Variants in FHOD3 observed in about 807,000 individuals in gnomAD.
The protein encoded by FHOD3 is formin homology 2 domain containing 3, also known as FH1/FH2 domain-containing protein 3.
Under a neutral mutation model 173.0 loss-of-function variants are expected in FHOD3, and 90 were observed. That is an observed-to-expected ratio of 0.52 (90% CI 0.44 to 0.62). The LOEUF is 0.62. FHOD3 is among the 20% of genes least tolerant of loss of function. The pLI is 0.00. For synonymous variants in FHOD3, 828 were observed against 823.0 expected (o/e 1.01, Z -0.10); for missense variants, 1,945 against 2,034.7 (o/e 0.96, Z 0.85).
chr18:36,482,858 C>CACAGAG (rs1400178557), intron 3 of FHOD3, among the ~76,000 whole-genome samples: 89 of 130,448 alleles, frequency 6.8e-4, no homozygotes, highest in African/African-American at 2.6e-3. Context: ...CACACACACA[C>CACAGAG]AGAGAGAGAG....
intron 25 of FHOD3, among the ~76,000 whole-genome samples, chr18:36,755,893 T>G (rs2042615122): frequency 6.6e-6 from 1 of 152,140 alleles, no homozygotes. Context: ...GTGAATCCAG[T>G]AGGAGTTTCC....
At chr18:36,673,654 T>C (rs2037673680) in intron 14 of FHOD3, among the ~76,000 whole-genome samples, 1 of 152,004 alleles carries the variant, frequency 6.6e-6, no homozygotes, top group South Asian at 2.1e-4. Flanking sequence ...CAGGGGTTCC[T>C]CGATCTGTCC....
intron 1 of FHOD3, among the ~76,000 whole-genome samples, chr18:36,330,243 C>T (rs901561099): frequency 2.6e-5 from 4 of 152,188 alleles, no homozygotes; most frequent in African/African-American, 9.7e-5. Context: ...CTATGTCTTA[C>T]ATCATGGAGT....
At chr18:36,480,787 T>G (rs887808429) in intron 3 of FHOD3, among the ~76,000 whole-genome samples, 2 of 152,236 alleles carry the variant, frequency 1.3e-5, no homozygotes, top group African/African-American at 2.4e-5. Context: ...TGCATGTTCA[T>G]TGGCAGGCTT....
intron 3 of FHOD3, among the ~76,000 whole-genome samples, chr18:36,477,544 C>CCTACCT (rs2053646720): frequency 7.9e-5 from 5 of 63,526 alleles, no homozygotes; most frequent in Non-Finnish European, 1.3e-4. Context: ...CCCACCCACC[C>CCTACCT]ACCTACCTAC....
At chr18:36,544,788 T>A (rs2057353475) in intron 5 of FHOD3, 1 of 152,240 alleles carries the variant, frequency 6.6e-6, no homozygotes. Flanking sequence ...CTTAACATCT[T>A]CCCAGGTGTT....
At chr18:36,714,020 T>TG (rs995378207) in intron 18 of FHOD3, among the ~76,000 whole-genome samples, 18 of 135,816 alleles carry the variant, frequency 1.3e-4, no homozygotes, top group African/African-American at 3.8e-4. Flanking sequence ...ACTTAAAAGT[T>TG]GGGGGAAAAA....
intron 1 of FHOD3, among the ~76,000 whole-genome samples, chr18:36,315,854 C>A (rs2044090242): frequency 6.6e-6 from 1 of 152,096 alleles, no homozygotes; most frequent in South Asian, 2.1e-4. Flanking sequence ...ATTTTGGTTA[C>A]CTGATTGGTG....
intron 3 of FHOD3, among the ~76,000 whole-genome samples, chr18:36,430,200 T>C (rs2050456334): frequency 6.6e-6 from 1 of 152,206 alleles, no homozygotes; most frequent in African/African-American, 2.4e-5. Flanking sequence ...GCCACAAGAC[T>C]AGGGTTGGGC....
Position 36,709,198 on chromosome 18 carries a change from C to A in FHOD3, c.2340C>A (p.His780Gln), listed in dbSNP as rs756383713. ...DEAGQDIASAHEGAETEVEQA... is the reference protein window; with the variant it reads ...DEAGQDIASAQEGAETEVEQA... ...CTGGCCAGGACATAGCCTCTGCCCA[C>A]GAGGGTGCAGAGACTGAAGTGGAGC... Residue 780 changes from histidine to glutamine, a missense_variant, in exon 18 of 29, where the codon CAC becomes CAA. By Grantham distance (24) the His-to-Gln change is conservative. Transcript: ENST00000590592. The A allele has an allele frequency of 6.2e-7, 1 of 1,614,056 alleles. No individual in the cohort carries two copies. Among genetic ancestry groups the A allele is most frequent in the East Asian group, 2.2e-5 (1 of 44,870 alleles).
At chr18:36,530,320 T>G (rs564261760) in intron 5 of FHOD3, among the ~76,000 whole-genome samples, 2 of 152,314 alleles carry the variant, frequency 1.3e-5, no homozygotes, top group East Asian at 3.9e-4. Flanking sequence ...CCTTGCCTGA[T>G]GCTTCTCTGT....
chr18:36,367,540 A>G (rs2046959037), intron 2 of FHOD3, among the ~76,000 whole-genome samples: 1 of 152,150 alleles, frequency 6.6e-6, no homozygotes, highest in South Asian at 2.1e-4. Context: ...ACTCAAAAGG[A>G]GTGGCAGCTG....
At chr18:36,334,177 G>A (rs893327647) in intron 1 of FHOD3, among the ~76,000 whole-genome samples, 6 of 152,218 alleles carry the variant, frequency 3.9e-5, no homozygotes, top group South Asian at 4.1e-4. Flanking sequence ...TTAAAGGTTA[G>A]CAAGCACTGA....
intron 5 of FHOD3, among the ~76,000 whole-genome samples, chr18:36,569,726 T>C (rs926056238): frequency 2.0e-5 from 3 of 152,174 alleles, no homozygotes; most frequent in Non-Finnish European, 2.9e-5. Context: ...ATTGAAATAC[T>C]GTAATTTCTG....
intron 2 of FHOD3, among the ~76,000 whole-genome samples, chr18:36,369,440 AACACACACACACACAC>A (rs59109469): frequency 0.014 from 1,312 of 94,194 alleles, 22 homozygotes; most frequent in African/African-American, 0.037. Flanking sequence ...ATTTTATTTA[AACACACACACACACAC>A]ACACACACAC....
intron 3 of FHOD3, among the ~76,000 whole-genome samples, chr18:36,477,578 CCTACCTACCTACCTACCTACCTAT>C (rs2053655497): frequency 6.8e-6 from 1 of 146,394 alleles, no homozygotes; most frequent in South Asian, 2.2e-4. Context: ...TACCTACCTA[CCTACCTACCTACCTACCTACCTAT>C]CTACCTATCT....
intron 1 of FHOD3, among the ~76,000 whole-genome samples, chr18:36,328,439 G>A (rs1403631985): frequency 1.3e-5 from 2 of 152,158 alleles, no homozygotes; most frequent in Non-Finnish European, 2.9e-5. Context: ...GGAATCCAGA[G>A]TGGCTGGAGT....
intron 11 of FHOD3, among the ~76,000 whole-genome samples, chr18:36,650,493 A>G (rs1234565884): frequency 6.6e-6 from 1 of 152,234 alleles, no homozygotes; most frequent in African/African-American, 2.4e-5. Flanking sequence ...GAATGAGCTG[A>G]TGATAGAGAA....
At chr18:36,543,674 G>A (rs577229638) in intron 5 of FHOD3, among the ~76,000 whole-genome samples, 7 of 152,286 alleles carry the variant, frequency 4.6e-5, no homozygotes, top group African/African-American at 1.4e-4. Flanking sequence ...AGGTAGAGGA[G>A]CAAGCCCCGC....
Sources: allele counts gnomAD v4.1 joint callset (sites outside exome capture counted in the v4.1 genomes callset), GRCh38; gene constraint gnomAD v4.1.1; transcripts MANE v1.5; gene names NCBI Gene and HGNC (gene_info 2026-07-23, HGNC 2026-07-21).